The following PTPRD variants were observed in gnomAD, a reference collection of about 807,000 sequenced individuals.
PTPRD encodes receptor-type tyrosine-protein phosphatase delta.
In PTPRD, 34 loss-of-function variants were observed where a neutral mutation model predicts 214.5. The observed-to-expected ratio is 0.16, with a 90% confidence interval of 0.12 to 0.21. PTPRD has a LOEUF of 0.21. PTPRD is among the 10% of genes least tolerant of loss of function. The pLI, the probability that PTPRD is intolerant of heterozygous loss-of-function variation, is 1.00. For missense variants in PTPRD, 2,545 were observed against 2,398.7 expected, an observed-to-expected ratio of 1.06 and a Z score of -1.27; for synonymous variants, 1,128 against 845.7, an observed-to-expected ratio of 1.33 and a Z score of -5.79.
At chr9:8,849,364 C>A (rs1306804905) in intron 11 of PTPRD, among the ~76,000 whole-genome samples, 1 of 151,724 alleles carries the variant, frequency 6.6e-6, no homozygotes. Flanking sequence ...TTAGCTGGGA[C>A]TACAGGCGCC....
At chr9:9,846,185 T>A (rs1472416196) in intron 5 of PTPRD, among the ~76,000 whole-genome samples, 2 of 152,134 alleles carry the variant, frequency 1.3e-5, no homozygotes, top group African/African-American at 4.8e-5. Flanking sequence ...TTTAACATTG[T>A]ATTGTTCTTA....
At chr9:9,258,684 G>T (rs562194416) in intron 9 of PTPRD, among the ~76,000 whole-genome samples, 2 of 151,680 alleles carry the variant, frequency 1.3e-5, no homozygotes, top group Non-Finnish European at 2.9e-5. Flanking sequence ...ATACAATGGT[G>T]GAATAACAAC....
At chr9:10,140,377 G>T (rs1018221693) in intron 3 of PTPRD, among the ~76,000 whole-genome samples, 21 of 151,586 alleles carry the variant, frequency 1.4e-4, no homozygotes, top group Non-Finnish European at 2.8e-4. Context: ...AAAAAAGAGA[G>T]AAGAATCAAA....
intron 35 of PTPRD, among the ~76,000 whole-genome samples, chr9:8,423,866 A>G (rs1484945836): frequency 6.6e-6 from 1 of 152,142 alleles, no homozygotes; most frequent in East Asian, 1.9e-4. Flanking sequence ...ATCAGAAGTC[A>G]AAGGCAGTCA....
At chr9:10,108,722 A>G (rs1461006546) in intron 3 of PTPRD, among the ~76,000 whole-genome samples, 1 of 152,124 alleles carries the variant, frequency 6.6e-6, no homozygotes, top group African/African-American at 2.4e-5. Context: ...ACTTAAGTGT[A>G]TATCAGTGAA....
chr9:9,809,597 T>A (rs555010914), intron 5 of PTPRD, among the ~76,000 whole-genome samples: 59 of 152,216 alleles, frequency 3.9e-4, no homozygotes, highest in African/African-American at 1.4e-3. Flanking sequence ...TTATGCAGAG[T>A]AAATAAATAA....
intron 12 of PTPRD, among the ~76,000 whole-genome samples, chr9:8,717,433 T>C (rs1033657051): frequency 4.6e-5 from 7 of 152,172 alleles, no homozygotes; most frequent in Non-Finnish European, 1.0e-4. Flanking sequence ...GTATCCCATA[T>C]TCAAAAATAC....
At chr9:9,514,442 A>T (rs1436823870) in intron 8 of PTPRD, among the ~76,000 whole-genome samples, 2 of 152,238 alleles carry the variant, frequency 1.3e-5, no homozygotes, top group East Asian at 1.9e-4. Context: ...AAAGACAAGT[A>T]CTTGGAATTC....
intron 8 of PTPRD, among the ~76,000 whole-genome samples, chr9:9,571,963 G>A (rs2086587379): frequency 6.6e-6 from 1 of 150,960 alleles, no homozygotes; most frequent in Non-Finnish European, 1.5e-5. Flanking sequence ...CGATATTATG[G>A]TTTAGAGAAA....
intron 3 of PTPRD, among the ~76,000 whole-genome samples, chr9:10,043,117 A>G (rs918085426): frequency 2.0e-5 from 3 of 151,988 alleles, no homozygotes; most frequent in African/African-American, 7.2e-5. Flanking sequence ...AGGATATAAT[A>G]AAGCTCTAAA....
At chr9:8,782,785 A>AG (rs1491517095) in intron 11 of PTPRD, among the ~76,000 whole-genome samples, 1 of 151,654 alleles carries the variant, frequency 6.6e-6, no homozygotes, top group Non-Finnish European at 1.5e-5. Context: ...TAGTAGAGAC[A>AG]GGGTTTCACC....
intron 8 of PTPRD, among the ~76,000 whole-genome samples, chr9:9,574,255 C>T (rs1162306523): frequency 6.6e-6 from 1 of 152,008 alleles, no homozygotes; most frequent in East Asian, 1.9e-4. Context: ...TTAGAAGTCA[C>T]TTGTTATTTA....
intron 10 of PTPRD, among the ~76,000 whole-genome samples, chr9:9,117,704 C>T (rs951877520): frequency 1.3e-5 from 2 of 151,822 alleles, no homozygotes; most frequent in Non-Finnish European, 2.9e-5. Flanking sequence ...ATAAACTGAA[C>T]TTAGGAAGCT....
chr9:9,444,736 T>C (rs1400315307), intron 8 of PTPRD, among the ~76,000 whole-genome samples: 1 of 152,196 alleles, frequency 6.6e-6, no homozygotes, highest in Non-Finnish European at 1.5e-5. Flanking sequence ...GCTCTTTAAA[T>C]ATATGCTTTT....
intron 2 of PTPRD, among the ~76,000 whole-genome samples, chr9:10,512,330 CTG>C (rs1176117978): frequency 2.0e-5 from 3 of 151,736 alleles, no homozygotes; most frequent in Non-Finnish European, 2.9e-5. Context: ...TTTCAAGAAA[CTG>C]TGAAATGAAT....
At chr9:9,418,979 G>C (rs2077814153) in intron 8 of PTPRD, among the ~76,000 whole-genome samples, 1 of 151,552 alleles carries the variant, frequency 6.6e-6, no homozygotes, top group African/African-American at 2.4e-5. Flanking sequence ...CGACTTTCTA[G>C]ATAAGCAATA....
chr9:9,658,486 T>C (rs1336704936), intron 7 of PTPRD, among the ~76,000 whole-genome samples: 2 of 152,132 alleles, frequency 1.3e-5, no homozygotes, highest in Non-Finnish European at 2.9e-5. Context: ...TCTAGTACAA[T>C]GAATGACATG....
chr9:10,417,618 T>C (rs954433491), intron 2 of PTPRD, among the ~76,000 whole-genome samples: 1 of 151,706 alleles, frequency 6.6e-6, no homozygotes, highest in South Asian at 2.1e-4. Flanking sequence ...ATAACATATA[T>C]AAATAAATAT....
At chr9:9,964,863 A>G (rs2094579561) in intron 4 of PTPRD, among the ~76,000 whole-genome samples, 1 of 152,200 alleles carries the variant, frequency 6.6e-6, no homozygotes. Flanking sequence ...GAAGTATAAT[A>G]TGTACTCCAA....
Sources: gnomAD v4.1 joint callset for allele counts (sites outside exome capture counted in the v4.1 genomes callset) on GRCh38, gnomAD v4.1.1 for gene constraint, MANE v1.5 for transcripts, NCBI Gene and HGNC (gene_info 2026-07-23, HGNC 2026-07-21) for gene names.